DENR: variants seen among roughly 807,000 people sequenced by gnomAD.
The protein encoded by DENR is density-regulated protein.
A neutral mutation model predicts 30.6 loss-of-function variants in DENR; 6 were observed. That is an observed-to-expected ratio of 0.20 (90% confidence interval 0.11 to 0.39). The LOEUF (loss-of-function observed/expected upper bound fraction) is 0.39, where lower values mean the gene tolerates loss of function less well. Among genes scored for constraint, DENR ranks in the 10% least tolerant of loss-of-function variants. The pLI is 1.00. For missense variants in DENR, 141 were observed against 230.9 expected, an observed-to-expected ratio of 0.61 and a Z score of 2.52; for synonymous variants, 78 against 72.1, an observed-to-expected ratio of 1.08 and a Z score of -0.41.
chr12:122,753,911 G>T, intron 2 of DENR, 104 bp downstream of exon 2: 1 of 989,182 alleles, frequency 1.0e-6, no homozygotes, highest in Non-Finnish European at 1.6e-6. Flanking sequence ...TTTTCATTTG[G>T]TGAGTTTGTA....
At chr12:122,766,950 A>C (rs1878867222) in intron 5 of DENR, among the ~76,000 whole-genome samples, 1 of 152,192 alleles carries the variant, frequency 6.6e-6, no homozygotes, top group Admixed American at 6.5e-5. Flanking sequence ...CATATTCATA[A>C]GCATCCTTCA....
At chr12:122,762,953 T>G in intron 4 of DENR, 24 bp downstream of exon 4, 1 of 1,376,396 alleles carries the variant, frequency 7.3e-7, no homozygotes, top group East Asian at 2.5e-5. Flanking sequence ...TTTTCTTGCA[T>G]TAAACTTCTG....
chr12:122,769,259 C>CACACACATATATGT lies in DENR; in HGVS notation c.*182_*183insCACACATATATGTA. 1.5e-6 allele frequency: 1 copy of CACACACATATATGT among 647,832 alleles called. No homozygotes were observed. 40.1% of individuals were successfully genotyped at this position (647,832 alleles called of 1,614,324 possible). A position where few individuals can be genotyped will look rare whatever the true frequency, so the allele number is the denominator to read the frequency against. On this transcript the variant is annotated 3_prime_UTR_variant, in exon 8 of 8. Coordinates refer to ENST00000280557, the MANE Select transcript of DENR (RefSeq NM_003677.5). The stretch of plus-strand genomic sequence containing the variant: ...GTATGTATACATGTATATATATATA[C>CACACACATATATGT]ATACACATATATGTATACATATATA...
chr12:122,763,043 T>C (rs552499077), intron 4 of DENR, 114 bp downstream of exon 4: 1 of 645,572 alleles, frequency 1.5e-6, no homozygotes, highest in Non-Finnish European at 2.7e-6. Flanking sequence ...GAATTAACAT[T>C]TATCTGTTAG....
At chr12:122,753,443 T>G (rs1389224487) in intron 1 of DENR, among the ~76,000 whole-genome samples, 1 of 152,202 alleles carries the variant, frequency 6.6e-6, no homozygotes, top group Non-Finnish European at 1.5e-5. Context: ...CTTCCTGTTT[T>G]TCTCTAGTGA....
Position 122,753,714 on chromosome 12 carries a change from A to G in DENR, c.13A>G (p.Ile5Val), listed in dbSNP as rs767823102. MAAD[I>V]SESSGADCKG... The stretch of plus-strand genomic sequence containing the variant: ...ACAGGTTTGTGAAATGGCTGCTGAC[A>G]TTTCTGAATCCAGCGGGGCTGACTG... Residue 5 changes from isoleucine to valine, a missense_variant, in exon 2 of 8, where the codon ATT (isoleucine) becomes GTT (valine). By Grantham distance (29) the Ile-to-Val change is conservative. Transcript: ENST00000280557. 6.2e-7 allele frequency: 1 copy of G among 1,613,982 alleles called. No individual in the cohort carries two copies. Among genetic ancestry groups the G allele is most frequent in the Non-Finnish European group, 8.5e-7 (1 of 1,179,868 alleles).
chr12:122,760,980 G>T (rs200537806), intron 2 of DENR, among the ~76,000 whole-genome samples: 2 of 152,298 alleles, frequency 1.3e-5, no homozygotes, highest in South Asian at 2.1e-4. Flanking sequence ...GTACATAGTG[G>T]CTCACGCTTA....
chr12:122,753,758 C>T lies in DENR; in HGVS notation c.57C>T (p.Asn19=). 6.2e-7 allele frequency: 1 copy of T among 1,614,062 alleles called. No homozygotes were observed. The highest frequency in any genetic ancestry group is 8.5e-7 in the Non-Finnish European group (1 of 1,179,898). ...SGADCKGDPR[N]SAKLDADYPL... ...CTGACTGCAAAGGAGACCCAAGGAA[C>T]AGTGCCAAGTTAGATGCCGATTACC... Residue 19 remains asparagine (N), a synonymous_variant, in exon 2 of 8, where the codon AAC becomes AAT. Coordinates refer to ENST00000280557, the MANE Select transcript of DENR (RefSeq NM_003677.5).
chr12:122,770,689 T>C lies in DENR; in HGVS notation c.*1611T>C, dbSNP rs1879013899. ...TGTTTTAAGTTGCTGTGGACACTTT[T>C]AAGAAACTTAGAACCCATGGAACCC... is the stretch of plus-strand genomic sequence containing the variant. On this transcript the variant is annotated 3_prime_UTR_variant, in exon 8 of 8. Transcript: ENST00000280557. The C allele has an allele frequency of 2.5e-6, 1 of 398,546 alleles. No individual in the cohort carries two copies. Among genetic ancestry groups the C allele is most frequent in the Non-Finnish European group, 4.4e-6 (1 of 226,026 alleles). 24.7% of individuals were successfully genotyped at this position (398,546 alleles called of 1,614,324 possible).
chr12:122,769,610 G>T lies in DENR; in HGVS notation c.*532G>T. On this transcript the variant is annotated 3_prime_UTR_variant, in exon 8 of 8. Transcript: ENST00000280557. Reference sequence around the variant, plus strand: ...CAACCTCCGCCTCCCGGGTTCAAGTGATTCTCCTGCCTCAGCCTCCCAAGT... The same window carrying T: ...CAACCTCCGCCTCCCGGGTTCAAGTTATTCTCCTGCCTCAGCCTCCCAAGT... 2.6e-6 allele frequency: 1 copy of T among 380,766 alleles called. No individual in the cohort carries two copies. Among genetic ancestry groups the T allele is most frequent in the Non-Finnish European group, 3.8e-6 (1 of 266,196 alleles). The allele number at this position is 380,766 out of a possible 1,614,324, so 23.6% of individuals were successfully genotyped here.
intron 2 of DENR, among the ~76,000 whole-genome samples, chr12:122,759,716 A>C (rs1277636766): frequency 6.7e-6 from 1 of 150,324 alleles, no homozygotes; most frequent in East Asian, 2.1e-4. Flanking sequence ...GCAAAACCCC[A>C]ATTTTTTTTT....
chr12:122,764,714 CAAG>C (rs755994721), intron 4 of DENR, among the ~76,000 whole-genome samples: 3 of 152,154 alleles, frequency 2.0e-5, no homozygotes, highest in Non-Finnish European at 2.9e-5. Context: ...AAGGCAGTAG[CAAG>C]AAGAAGAGAA....
intron 4 of DENR, 30 bp from the exon 5 acceptor site, chr12:122,765,274 C>G: frequency 6.6e-7 from 1 of 1,520,224 alleles, no homozygotes; most frequent in African/African-American, 1.4e-5. Flanking sequence ...AGATGATGTT[C>G]ATGCTTTTGT....
rs1354894814 is a variant in DENR, at chr12:122,769,457, T to C, written c.*379T>C. 3.0e-6 allele frequency: 3 copies of C among 987,382 alleles called. No individual in the cohort carries two copies. The highest frequency in any genetic ancestry group is 3.6e-6 in the Non-Finnish European group (3 of 831,052). The allele number at this position is 987,382 out of a possible 1,614,324, so 61.2% of individuals were successfully genotyped here. A position where few individuals can be genotyped will look rare whatever the true frequency, so the allele number is the denominator to read the frequency against. ...GTCATGCTCATGCATGAATAGAATT[T>C]AGTCAAATAAAAAATTTTGGTCATT... On this transcript the variant is annotated 3_prime_UTR_variant, in exon 8 of 8. Coordinates refer to ENST00000280557, the MANE Select transcript of DENR (RefSeq NM_003677.5).
At chr12:122,762,444 A>G (rs1878726496) in intron 3 of DENR, among the ~76,000 whole-genome samples, 1 of 152,212 alleles carries the variant, frequency 6.6e-6, no homozygotes. Flanking sequence ...GGATTTTTGC[A>G]TGGGACTTAT....
intron 2 of DENR, among the ~76,000 whole-genome samples, chr12:122,754,793 A>G (rs1225359137): frequency 6.6e-6 from 1 of 152,256 alleles, no homozygotes; most frequent in African/African-American, 2.4e-5. Context: ...TGGAGGAAAT[A>G]GAACCCACAA....
At chr12:122,755,208 T>A (rs1566058302) in intron 2 of DENR, among the ~76,000 whole-genome samples, 1 of 152,178 alleles carries the variant, frequency 6.6e-6, no homozygotes, top group Non-Finnish European at 1.5e-5. Context: ...AGAGAATTGC[T>A]TAGTTGGTGA....
chr12:122,763,727 A>G (rs568404737), intron 4 of DENR, among the ~76,000 whole-genome samples: 2 of 152,324 alleles, frequency 1.3e-5, no homozygotes, highest in South Asian at 4.1e-4. Flanking sequence ...AAAAAAGTAA[A>G]TGATTTAGGG....
At chr12:122,761,968 C>T (rs1697380473) in intron 2 of DENR, among the ~76,000 whole-genome samples, 1 of 152,158 alleles carries the variant, frequency 6.6e-6, no homozygotes, top group Non-Finnish European at 1.5e-5. Flanking sequence ...GATGGAGACA[C>T]TCTTTAGATG....
Sources: gnomAD v4.1 joint callset for allele counts (sites outside exome capture counted in the v4.1 genomes callset) on GRCh38, gnomAD v4.1.1 for gene constraint, MANE v1.5 for transcripts, NCBI Gene and HGNC (gene_info 2026-07-23, HGNC 2026-07-21) for gene names.